The following ADAMTS3 variants were observed in gnomAD, a reference collection of about 807,000 sequenced individuals.
ADAMTS3 encodes A disintegrin and metalloproteinase with thrombospondin motifs 3.
ADAMTS3 carries 73 observed loss-of-function variants against 129.0 expected under a neutral mutation model. The observed-to-expected ratio is 0.57, with a 90% CI of 0.47 to 0.69. The LOEUF is 0.69. Among genes scored for constraint, ADAMTS3 ranks in the 30% least tolerant of loss-of-function variants. The pLI is 0.00. For missense variants in ADAMTS3, 1,457 were observed against 1,514.5 expected, an observed-to-expected ratio of 0.96 and a Z score of 0.63; for synonymous variants, 477 against 510.8, an observed-to-expected ratio of 0.93 and a Z score of 0.89.
At position 72,428,157 on chromosome 4, in the gene ADAMTS3, T is replaced by C. The variant is rs141270366; in HGVS notation, c.505-13186A>G. Among the ~76,000 whole-genome samples, 877 of 152,050 alleles carry C rather than the reference T, an allele frequency of 5.8e-3. 3 individuals are homozygous for C. The highest frequency in any genetic ancestry group is 0.044 in the Middle Eastern group (13 of 294). On this transcript the variant is annotated intron_variant, in intron 3 of 21. Transcript: ENST00000286657. ...AAGAGGAAGAATGTTATGAAGGAAA[T>C]TGAGTTTGAAGATGAGTTGAAGTAG... is the stretch of plus-strand genomic sequence containing the variant.
At chr4:72,330,902 C>T (rs749943170) in intron 5 of ADAMTS3, among the ~76,000 whole-genome samples, 20 of 152,128 alleles carry the variant, frequency 1.3e-4, no homozygotes, top group South Asian at 2.1e-4. Flanking sequence ...TACCTTTCCT[C>T]AAGATTGAGA....
chr4:72,333,550 T>C (rs963468833), intron 5 of ADAMTS3, among the ~76,000 whole-genome samples: 4 of 152,152 alleles, frequency 2.6e-5, no homozygotes. Flanking sequence ...TCCCTAGGCC[T>C]CTTCAATTTT....
intron 3 of ADAMTS3, among the ~76,000 whole-genome samples, chr4:72,443,742 C>T (rs1718179827): frequency 6.7e-6 from 1 of 149,932 alleles, no homozygotes; most frequent in Non-Finnish European, 1.5e-5. Context: ...CCATTTGAAC[C>T]ACTCCTTTTT....
chr4:72,564,575 C>A (rs1005042656), intron 2 of ADAMTS3, among the ~76,000 whole-genome samples: 2 of 152,108 alleles, frequency 1.3e-5, no homozygotes, highest in Non-Finnish European at 2.9e-5. Flanking sequence ...ATCTGGTTGA[C>A]AAAGAGGCAC....
chr4:72,416,497 A>G (rs554430245), intron 3 of ADAMTS3, among the ~76,000 whole-genome samples: 1 of 152,204 alleles, frequency 6.6e-6, no homozygotes, highest in Admixed American at 6.5e-5. Flanking sequence ...TACCCTCTGG[A>G]ACAAACCTCT....
chr4:72,455,692 TTTTG>T (rs1186546269), intron 3 of ADAMTS3, among the ~76,000 whole-genome samples: 1 of 148,338 alleles, frequency 6.7e-6, no homozygotes, highest in Non-Finnish European at 1.5e-5. Flanking sequence ...CTTCCGGATT[TTTTG>T]ATGTTAGTGA....
At chr4:72,347,126 G>C (rs1319765654) in intron 4 of ADAMTS3, among the ~76,000 whole-genome samples, 1 of 152,040 alleles carries the variant, frequency 6.6e-6, no homozygotes, top group Non-Finnish European at 1.5e-5. Context: ...TAAGTTTAAT[G>C]CTAGAAGAGG....
chr4:72,338,296 T>G (rs943912244), intron 5 of ADAMTS3, among the ~76,000 whole-genome samples: 1 of 152,162 alleles, frequency 6.6e-6, no homozygotes, highest in African/African-American at 2.4e-5. Flanking sequence ...AACATTCATA[T>G]GATTCACAAA....
intron 2 of ADAMTS3, among the ~76,000 whole-genome samples, chr4:72,556,559 G>A (rs781070993): frequency 1.3e-5 from 2 of 151,754 alleles, no homozygotes; most frequent in African/African-American, 4.9e-5. Context: ...ATAGAATATT[G>A]AAATACTTGT....
At chr4:72,545,009 T>C (rs563798477) in intron 3 of ADAMTS3, among the ~76,000 whole-genome samples, 4 of 152,248 alleles carry the variant, frequency 2.6e-5, no homozygotes, top group East Asian at 3.9e-4. Flanking sequence ...CTTATAATAA[T>C]AAATAAACAT....
intron 3 of ADAMTS3, among the ~76,000 whole-genome samples, chr4:72,509,767 G>T (rs1424191605): frequency 6.6e-6 from 1 of 150,698 alleles, no homozygotes; most frequent in Non-Finnish European, 1.5e-5. Flanking sequence ...ATACTACGAG[G>T]CTGCTATTAA....
At chr4:72,414,757 T>C (rs574824838) in intron 4 of ADAMTS3, 58 bp downstream of exon 4, 2 of 1,248,714 alleles carry the variant, frequency 1.6e-6, no homozygotes, top group East Asian at 2.8e-5. Flanking sequence ...GATGGGAGAG[T>C]TGTTTTCATC....
intron 3 of ADAMTS3, among the ~76,000 whole-genome samples, chr4:72,503,280 C>A (rs1720074834): frequency 6.6e-6 from 1 of 152,146 alleles, no homozygotes; most frequent in African/African-American, 2.4e-5. Context: ...CTCAGCCTCC[C>A]AAAGTGCTGG....
At chr4:72,447,799 A>G (rs1468268981) in intron 3 of ADAMTS3, among the ~76,000 whole-genome samples, 1 of 151,592 alleles carries the variant, frequency 6.6e-6, no homozygotes, top group Non-Finnish European at 1.5e-5. Context: ...TAAAATTCAT[A>G]TTTTTCCTTT....
intron 4 of ADAMTS3, among the ~76,000 whole-genome samples, chr4:72,396,192 A>G (rs1008585126): frequency 3.9e-5 from 6 of 152,202 alleles, no homozygotes; most frequent in Non-Finnish European, 5.9e-5. Context: ...AACAAACTCA[A>G]TGTTAGCCAG....
intron 4 of ADAMTS3, among the ~76,000 whole-genome samples, chr4:72,361,491 C>A (rs182020058): frequency 1.3e-5 from 2 of 152,166 alleles, no homozygotes; most frequent in East Asian, 3.9e-4. Flanking sequence ...GTAACAAGAT[C>A]TTTACAGTAG....
intron 3 of ADAMTS3, among the ~76,000 whole-genome samples, chr4:72,487,629 CT>C (rs1289109972): frequency 3.3e-5 from 5 of 152,104 alleles, no homozygotes; most frequent in African/African-American, 1.2e-4. Flanking sequence ...CGCTTTCCAT[CT>C]CTTATTAACA....
intron 4 of ADAMTS3, among the ~76,000 whole-genome samples, chr4:72,351,075 GC>G (rs1201207114): frequency 6.6e-6 from 1 of 151,854 alleles, no homozygotes; most frequent in Non-Finnish European, 1.5e-5. Flanking sequence ...ATAAGCTGGG[GC>G]AATCCTGAGG....
At chr4:72,322,487 T>C (rs1170302736) in intron 6 of ADAMTS3, among the ~76,000 whole-genome samples, 1 of 152,164 alleles carries the variant, frequency 6.6e-6, no homozygotes, top group Non-Finnish European at 1.5e-5. Flanking sequence ...TAAAGCTCTT[T>C]TAAATGAAAA....
Sources: gnomAD v4.1 joint callset for allele counts (sites outside exome capture counted in the v4.1 genomes callset) on GRCh38, gnomAD v4.1.1 for gene constraint, MANE v1.5 for transcripts, NCBI Gene and HGNC (gene_info 2026-07-23, HGNC 2026-07-21) for gene names.